SLC24A3: variants seen among roughly 807,000 people sequenced by gnomAD.
The protein encoded by SLC24A3 is solute carrier family 24 member 3.
SLC24A3 carries 28 observed loss-of-function variants against 75.8 expected under a neutral mutation model. The observed-to-expected ratio is 0.37, with a 90% CI of 0.27 to 0.51. The LOEUF (loss-of-function observed/expected upper bound fraction) is 0.51, where lower values mean the gene tolerates loss of function less well. Among genes scored for constraint, SLC24A3 ranks in the 20% least tolerant of loss-of-function variants. The probability of loss-of-function intolerance (pLI) is 0.94; values close to 1 mark genes in which losing one functional copy is unlikely to be tolerated. For missense variants in SLC24A3, 663 were observed against 847.8 expected, an observed-to-expected ratio of 0.78 and a Z score of 2.71; for synonymous variants, 372 against 334.1, an observed-to-expected ratio of 1.11 and a Z score of -1.24.
intron 2 of SLC24A3, among the ~76,000 whole-genome samples, chr20:19,281,866 A>G (rs1983673940): frequency 6.6e-6 from 1 of 152,212 alleles, no homozygotes; most frequent in African/African-American, 2.4e-5. Context: ...ATCAATTTAA[A>G]AAGCATTCTT....
chr20:19,471,614 A>G (rs1349031976), intron 2 of SLC24A3, among the ~76,000 whole-genome samples: 6 of 152,128 alleles, frequency 3.9e-5, no homozygotes, highest in African/African-American at 7.2e-5. Context: ...CAACTAGCCC[A>G]TAACATCCCT....
At chr20:19,274,629 A>C (rs991273355) in intron 1 of SLC24A3, among the ~76,000 whole-genome samples, 1 of 151,872 alleles carries the variant, frequency 6.6e-6, no homozygotes, top group Non-Finnish European at 1.5e-5. Flanking sequence ...TGGAAAACCC[A>C]TGAGAAAAAT....
intron 2 of SLC24A3, among the ~76,000 whole-genome samples, chr20:19,425,774 A>G (rs1487362334): frequency 9.0e-6 from 1 of 111,236 alleles, no homozygotes; most frequent in Non-Finnish European, 1.9e-5. Context: ...GACTCCTGGG[A>G]TTCATTTTTT....
At chr20:19,237,959 T>C (rs1982215297) in intron 1 of SLC24A3, among the ~76,000 whole-genome samples, 1 of 152,182 alleles carries the variant, frequency 6.6e-6, no homozygotes, top group African/African-American at 2.4e-5. Context: ...TCAACCCAAA[T>C]AGGAAGTGAC....
rs183125463 is a variant in SLC24A3 at position 19,344,273 on chromosome 20, T to C, written c.271+63186T>C. ...TATTTTTGAAGTTTAATAATATGGT[T>C]GAGATATATGACTAGCTGGGTTTCT... On this transcript the variant is annotated intron_variant, in intron 2 of 16. Transcript: ENST00000328041. 5.3e-5 allele frequency among the ~76,000 whole-genome samples: 8 copies of C among 152,348 alleles called. No individual in the cohort carries two copies. In the East Asian group the frequency reaches 1.5e-3, roughly 29 times the overall value.
At chr20:19,247,589 G>A (rs1444468212) in intron 1 of SLC24A3, among the ~76,000 whole-genome samples, 3 of 152,130 alleles carry the variant, frequency 2.0e-5, no homozygotes, top group South Asian at 2.1e-4. Flanking sequence ...CAACAATCCC[G>A]CGTAGATGAT....
intron 3 of SLC24A3, among the ~76,000 whole-genome samples, chr20:19,537,743 C>G (rs1314367518): frequency 6.6e-6 from 1 of 151,990 alleles, no homozygotes; most frequent in Non-Finnish European, 1.5e-5. Flanking sequence ...ATGGATGAAG[C>G]TGGAAACCAT....
At chr20:19,218,356 G>A (rs763657605) in intron 1 of SLC24A3, among the ~76,000 whole-genome samples, 1 of 152,160 alleles carries the variant, frequency 6.6e-6, no homozygotes, top group Non-Finnish European at 1.5e-5. Flanking sequence ...GAAAGGTGGA[G>A]TGCAGTGCCT....
intron 2 of SLC24A3, among the ~76,000 whole-genome samples, chr20:19,493,366 G>C (rs1468849665): frequency 6.6e-6 from 1 of 152,192 alleles, no homozygotes; most frequent in Non-Finnish European, 1.5e-5. Context: ...TTTAAAAAGA[G>C]TAAGAAAGAT....
chr20:19,619,988 A>G (rs2031783206), intron 6 of SLC24A3, among the ~76,000 whole-genome samples: 1 of 152,094 alleles, frequency 6.6e-6, no homozygotes, highest in Non-Finnish European at 1.5e-5. Flanking sequence ...ATCTCCTATG[A>G]CTCACCAAAA....
At chr20:19,606,435 GT>G (rs1169207242) in intron 6 of SLC24A3, among the ~76,000 whole-genome samples, 1 of 152,156 alleles carries the variant, frequency 6.6e-6, no homozygotes, top group African/African-American at 2.4e-5. Context: ...GTTTAAAAAT[GT>G]TTGGTGCTGA....
At chr20:19,616,725 A>G (rs1600304543) in intron 6 of SLC24A3, among the ~76,000 whole-genome samples, 1 of 152,112 alleles carries the variant, frequency 6.6e-6, no homozygotes, top group Non-Finnish European at 1.5e-5. Context: ...TCGACCAGCA[A>G]TGATGAGCCA....
At chr20:19,522,662 G>A (rs988502144) in intron 3 of SLC24A3, among the ~76,000 whole-genome samples, 3 of 152,232 alleles carry the variant, frequency 2.0e-5, no homozygotes, top group African/African-American at 7.2e-5. Context: ...CACAGGGCCA[G>A]AGCCCAATCC....
chr20:19,449,456 T>C (rs1987444544), intron 2 of SLC24A3, among the ~76,000 whole-genome samples: 1 of 152,182 alleles, frequency 6.6e-6, no homozygotes, highest in South Asian at 2.1e-4. Context: ...CCTGACAGAG[T>C]CCTAGGCTGG....
chr20:19,259,826 T>A (rs1486138126), intron 1 of SLC24A3, among the ~76,000 whole-genome samples: 1 of 152,246 alleles, frequency 6.6e-6, no homozygotes, highest in East Asian at 1.9e-4. Context: ...TCACTCTATT[T>A]ATAGTTTTTT....
chr20:19,606,494 G>A (rs1354424598), intron 6 of SLC24A3, among the ~76,000 whole-genome samples: 2 of 152,152 alleles, frequency 1.3e-5, no homozygotes, highest in Non-Finnish European at 2.9e-5. Flanking sequence ...CTCCAGTAAA[G>A]CTCTAAAACC....
chr20:19,460,688 T>A (rs559137363), intron 2 of SLC24A3, among the ~76,000 whole-genome samples: 1 of 152,274 alleles, frequency 6.6e-6, no homozygotes, highest in East Asian at 1.9e-4. Flanking sequence ...CCGGGGTGTT[T>A]ATGGTGGATA....
intron 1 of SLC24A3, among the ~76,000 whole-genome samples, chr20:19,260,116 T>C (rs1214706598): frequency 6.6e-6 from 1 of 152,192 alleles, no homozygotes; most frequent in Non-Finnish European, 1.5e-5. Context: ...AACTTCATCA[T>C]TGTTATTTTT....
chr20:19,483,995 T>A (rs1449220429), intron 2 of SLC24A3, among the ~76,000 whole-genome samples: 2 of 152,168 alleles, frequency 1.3e-5, no homozygotes, highest in Non-Finnish European at 2.9e-5. Flanking sequence ...AAAGAATGTA[T>A]ATATCCAAAA....
Sources: gnomAD v4.1 joint callset for allele counts (sites outside exome capture counted in the v4.1 genomes callset) on GRCh38, gnomAD v4.1.1 for gene constraint, MANE v1.5 for transcripts, NCBI Gene and HGNC (gene_info 2026-07-23, HGNC 2026-07-21) for gene names.